Variants in CHST9 observed in about 807,000 individuals in gnomAD.
CHST9 encodes the protein GalNAc-4-sulfotransferase 2.
CHST9 carries 41 observed loss-of-function variants against 44.4 expected under a neutral mutation model. That is an observed-to-expected ratio of 0.92 (90% CI 0.72 to 1.20). CHST9 has a LOEUF of 1.20. CHST9 is among the 50% of genes most tolerant of loss of function. The probability of loss-of-function intolerance (pLI) is 0.00; values close to 1 mark genes in which losing one functional copy is unlikely to be tolerated. For missense variants in CHST9, 504 were observed against 516.5 expected (o/e 0.98, Z 0.23); for synonymous variants, 171 against 178.4 (o/e 0.96, Z 0.33).
chr18:27,036,217 T>C (rs1477374853), intron 3 of CHST9, among the ~76,000 whole-genome samples: 5 of 152,092 alleles, frequency 3.3e-5, no homozygotes, highest in African/African-American at 1.2e-4. Flanking sequence ...CGATGGGACA[T>C]GGAAGAAGCA....
intron 4 of CHST9, among the ~76,000 whole-genome samples, chr18:26,977,442 AAT>A (rs1280377553): frequency 9.4e-5 from 14 of 149,180 alleles, no homozygotes; most frequent in Non-Finnish European, 1.5e-4. Flanking sequence ...AAAAAAAAAA[AAT>A]GAAAAGAAAA....
intron 1 of CHST9, among the ~76,000 whole-genome samples, chr18:27,155,124 C>CT (rs2058689278): frequency 1.4e-5 from 2 of 148,064 alleles, no homozygotes; most frequent in African/African-American, 5.0e-5. Context: ...CCTCTATGTG[C>CT]TTCAGTTACA....
At chr18:27,088,695 T>C (rs2058037050) in intron 2 of CHST9, among the ~76,000 whole-genome samples, 2 of 152,072 alleles carry the variant, frequency 1.3e-5, no homozygotes, top group South Asian at 4.1e-4. Flanking sequence ...CCTGGCCTAT[T>C]ATCACTTTTT....
intron 1 of CHST9, among the ~76,000 whole-genome samples, chr18:27,183,615 A>G (rs1426981973): frequency 1.3e-5 from 2 of 152,168 alleles, no homozygotes; most frequent in Non-Finnish European, 1.5e-5. Context: ...ACGATATGCA[A>G]TCTAAATGTT....
intron 2 of CHST9, among the ~76,000 whole-genome samples, chr18:27,073,135 A>C (rs2057859830): frequency 6.6e-6 from 1 of 152,156 alleles, no homozygotes; most frequent in Admixed American, 6.5e-5. Flanking sequence ...CTGGATGAAG[A>C]AGCTGGAATT....
rs570815465 is a variant in CHST9 at position 27,072,346 on chromosome 18, A to G, written c.122-23843T>C. On this transcript the variant is annotated intron_variant, in intron 2 of 5. Coordinates refer to ENST00000618847, the MANE Select transcript of CHST9 (RefSeq NM_031422.6). Reference sequence around the variant, plus strand: ...CATTTCCCTCACTTCAGGATGCTGTACAACCAGGGTTGTCAGCAACAATTT... The same window carrying G: ...CATTTCCCTCACTTCAGGATGCTGTGCAACCAGGGTTGTCAGCAACAATTT... Among the ~76,000 whole-genome samples, 11 of 152,236 alleles carry G rather than the reference A, an allele frequency of 7.2e-5. No individual in the cohort carries two copies. In the East Asian group the frequency reaches 2.1e-3, roughly 29 times the overall value.
intron 5 of CHST9, among the ~76,000 whole-genome samples, chr18:26,938,627 G>T (rs2056035720): frequency 6.6e-6 from 1 of 152,214 alleles, no homozygotes; most frequent in African/African-American, 2.4e-5. Flanking sequence ...TCATCAGTGA[G>T]TGGCACTGCC....
chr18:26,916,592 A>G lies in CHST9; in HGVS notation c.999T>C (p.Phe333=). The G allele has an allele frequency of 1.2e-6, 2 of 1,613,850 alleles. No individual in the cohort carries two copies. Among genetic ancestry groups the G allele is most frequent in the Non-Finnish European group, 1.7e-6 (2 of 1,179,782 alleles). The change falls in exon 6 of 6, where the codon TTT becomes TTC. Residue 333 remains phenylalanine, a synonymous_variant. Coordinates refer to ENST00000618847, the MANE Select transcript of CHST9 (RefSeq NM_031422.6). ...GGTGGGAATCCAGCAAGTAGTGGAT[A>G]AACTCTTTGAACTTGACTCCAGATC... ...INGSGVKFKE[F]IHYLLDSHRP...
chr18:27,067,695 C>A (rs565504446), intron 2 of CHST9, among the ~76,000 whole-genome samples: 2 of 152,080 alleles, frequency 1.3e-5, no homozygotes, highest in African/African-American at 4.8e-5. Context: ...GGAGTGGTTA[C>A]TGTGAGTTTT....
intron 4 of CHST9, among the ~76,000 whole-genome samples, chr18:26,950,486 C>G (rs923623409): frequency 6.6e-6 from 1 of 152,098 alleles, no homozygotes; most frequent in Non-Finnish European, 1.5e-5. Flanking sequence ...GCCCATCAAC[C>G]AGTAAGTGGA....
chr18:27,092,850 G>A (rs1489048536), intron 2 of CHST9, among the ~76,000 whole-genome samples: 1 of 152,174 alleles, frequency 6.6e-6, no homozygotes, highest in East Asian at 1.9e-4. Context: ...TTGCTGAGAA[G>A]TGCTTTACTT....
intron 4 of CHST9, chr18:26,952,096 C>G (rs781769839): frequency 4.8e-6 from 2 of 414,976 alleles, no homozygotes; most frequent in Non-Finnish European, 4.7e-6. Context: ...GAGCAATACT[C>G]GAACAGCAAA....
At chr18:27,168,310 G>A (rs1334563366) in intron 1 of CHST9, among the ~76,000 whole-genome samples, 12 of 151,986 alleles carry the variant, frequency 7.9e-5, no homozygotes, top group South Asian at 2.1e-4. Context: ...CCCTGACCTC[G>A]TGATCCGCCC....
intron 3 of CHST9, among the ~76,000 whole-genome samples, chr18:27,036,514 A>T (rs1463753806): frequency 6.6e-6 from 1 of 152,210 alleles, no homozygotes; most frequent in Non-Finnish European, 1.5e-5. Flanking sequence ...TTGTTTCCCA[A>T]CATTTTGTTA....
At chr18:26,989,381 C>T (rs1037557070) in intron 4 of CHST9, among the ~76,000 whole-genome samples, 1 of 152,136 alleles carries the variant, frequency 6.6e-6, no homozygotes, top group Non-Finnish European at 1.5e-5. Context: ...CCATGATATA[C>T]CCCTACATAC....
intron 2 of CHST9, among the ~76,000 whole-genome samples, chr18:27,108,031 A>C (rs2058237184): frequency 6.6e-6 from 1 of 152,118 alleles, no homozygotes; most frequent in Non-Finnish European, 1.5e-5. Flanking sequence ...CATTTATCCT[A>C]AGCAGTTCTC....
intron 2 of CHST9, among the ~76,000 whole-genome samples, chr18:27,136,958 T>C (rs61462037): frequency 0.013 from 1,953 of 152,324 alleles, 45 homozygotes; most frequent in African/African-American, 0.044. Context: ...GCAATCTGTA[T>C]TGATTTTTAC....
At chr18:26,939,453 C>T (rs961345886) in intron 5 of CHST9, among the ~76,000 whole-genome samples, 2 of 152,202 alleles carry the variant, frequency 1.3e-5, no homozygotes, top group Admixed American at 6.5e-5. Context: ...AGGTTAGAAA[C>T]GTATTGTATG....
intron 1 of CHST9, among the ~76,000 whole-genome samples, chr18:27,151,425 T>C (rs2058658269): frequency 6.6e-6 from 1 of 152,026 alleles, no homozygotes; most frequent in Non-Finnish European, 1.5e-5. Context: ...AATTTGACAA[T>C]GGTGTATGTG....
Sources: allele counts gnomAD v4.1 joint callset (sites outside exome capture counted in the v4.1 genomes callset), GRCh38; gene constraint gnomAD v4.1.1; transcripts MANE v1.5; gene names NCBI Gene and HGNC (gene_info 2026-07-23, HGNC 2026-07-21).